Variants in CNTNAP2 observed in about 807,000 individuals in gnomAD.
CNTNAP2 encodes contactin associated protein 2.
A neutral mutation model predicts 155.2 loss-of-function variants in CNTNAP2; 98 were observed. That is an observed-to-expected ratio of 0.63 (90% CI 0.54 to 0.75). The LOEUF (loss-of-function observed/expected upper bound fraction) is 0.75. Among genes scored for constraint, CNTNAP2 ranks in the 30% least tolerant of loss-of-function variants. The pLI, the probability that CNTNAP2 is intolerant of heterozygous loss-of-function variation, is 0.00. For synonymous variants in CNTNAP2, 651 were observed against 631.2 expected, an observed-to-expected ratio of 1.03 and a Z score of -0.47; for missense variants, 1,727 against 1,688.1, an observed-to-expected ratio of 1.02 and a Z score of -0.40.
At chr7:146,335,393 C>T (rs770500839) in intron 1 of CNTNAP2, among the ~76,000 whole-genome samples, 2 of 152,126 alleles carry the variant, frequency 1.3e-5, no homozygotes, top group African/African-American at 4.8e-5. Context: ...AAATGTCCCT[C>T]GAGATTCTTG....
intron 1 of CNTNAP2, among the ~76,000 whole-genome samples, chr7:146,133,892 T>C (rs1272140807): frequency 6.6e-6 from 1 of 152,050 alleles, no homozygotes; most frequent in Non-Finnish European, 1.5e-5. Context: ...GACTTGGCGA[T>C]GCGGGCTCTT....
At chr7:148,191,811 G>C (rs565801761) in intron 18 of CNTNAP2, among the ~76,000 whole-genome samples, 1 of 152,256 alleles carries the variant, frequency 6.6e-6, no homozygotes, top group African/African-American at 2.4e-5. Flanking sequence ...TTTGATGGGA[G>C]ACAAAAACAT....
intron 14 of CNTNAP2, among the ~76,000 whole-genome samples, chr7:147,964,948 C>T (rs1195636197): frequency 6.6e-6 from 1 of 152,214 alleles, no homozygotes; most frequent in Non-Finnish European, 1.5e-5. Flanking sequence ...CCACAAAGCT[C>T]TGAACCTCAC....
chr7:148,401,041 T>C (rs774944442), intron 22 of CNTNAP2, among the ~76,000 whole-genome samples: 3 of 151,976 alleles, frequency 2.0e-5, no homozygotes, highest in South Asian at 2.1e-4. Flanking sequence ...GAAAAAAATA[T>C]CTGTACGTGT....
At chr7:147,992,683 A>C (rs1002591759) in intron 15 of CNTNAP2, among the ~76,000 whole-genome samples, 1 of 152,232 alleles carries the variant, frequency 6.6e-6, no homozygotes, top group Non-Finnish European at 1.5e-5. Flanking sequence ...CCAACACTTA[A>C]TCAAGAATCT....
At chr7:148,178,473 C>T (rs1241525012) in intron 18 of CNTNAP2, among the ~76,000 whole-genome samples, 1 of 152,210 alleles carries the variant, frequency 6.6e-6, no homozygotes, top group Admixed American at 6.5e-5. Context: ...GTGCCACCCT[C>T]CCTGTGTTCC....
At chr7:147,195,890 A>G (rs1802789027) in intron 8 of CNTNAP2, among the ~76,000 whole-genome samples, 1 of 152,180 alleles carries the variant, frequency 6.6e-6, no homozygotes, top group South Asian at 2.1e-4. Context: ...CTCTCCCACC[A>G]CAACATTTAT....
chr7:147,492,833 T>G (rs543533042), intron 11 of CNTNAP2, among the ~76,000 whole-genome samples: 6 of 152,292 alleles, frequency 3.9e-5, no homozygotes, highest in African/African-American at 1.2e-4. Context: ...TGATTCAGAT[T>G]TAATCACTTT....
At chr7:146,414,313 C>T (rs1563075112) in intron 1 of CNTNAP2, among the ~76,000 whole-genome samples, 1 of 152,148 alleles carries the variant, frequency 6.6e-6, no homozygotes, top group Non-Finnish European at 1.5e-5. Flanking sequence ...ATTACAGATA[C>T]ATGTTTTGCT....
At chr7:146,849,192 C>A (rs577373662) in intron 3 of CNTNAP2, among the ~76,000 whole-genome samples, 1 of 152,258 alleles carries the variant, frequency 6.6e-6, no homozygotes, top group Non-Finnish European at 1.5e-5. Flanking sequence ...GGAGTTTATG[C>A]AGTCGCCTAG....
intron 1 of CNTNAP2, among the ~76,000 whole-genome samples, chr7:146,201,413 G>A (rs1179325679): frequency 1.3e-5 from 2 of 152,118 alleles, no homozygotes; most frequent in Non-Finnish European, 2.9e-5. Flanking sequence ...AACATTCAGA[G>A]ATGATTATTG....
intron 1 of CNTNAP2, among the ~76,000 whole-genome samples, chr7:146,299,528 A>C (rs994802107): frequency 2.0e-5 from 3 of 152,132 alleles, no homozygotes; most frequent in Non-Finnish European, 2.9e-5. Flanking sequence ...GACTAAAGGC[A>C]TGGGCCACCA....
intron 14 of CNTNAP2, among the ~76,000 whole-genome samples, chr7:147,960,918 C>A (rs1211946365): frequency 6.6e-6 from 1 of 151,968 alleles, no homozygotes; most frequent in African/African-American, 2.4e-5. Flanking sequence ...AAGTAGAAGC[C>A]TGCATGCAGG....
At chr7:146,354,994 T>G (rs1794976947) in intron 1 of CNTNAP2, among the ~76,000 whole-genome samples, 1 of 152,204 alleles carries the variant, frequency 6.6e-6, no homozygotes, top group Admixed American at 6.5e-5. Context: ...TCAACATGGT[T>G]GTATGTGTCA....
intron 13 of CNTNAP2, among the ~76,000 whole-genome samples, chr7:147,793,700 A>G (rs959342378): frequency 6.6e-6 from 1 of 152,080 alleles, no homozygotes; most frequent in Non-Finnish European, 1.5e-5. Flanking sequence ...CAATTTCTAC[A>G]AAGAAATCAG....
intron 1 of CNTNAP2, among the ~76,000 whole-genome samples, chr7:146,567,124 T>A (rs759736138): frequency 3.9e-5 from 6 of 152,168 alleles, no homozygotes; most frequent in Admixed American, 1.3e-4. Flanking sequence ...GAGAACAGAC[T>A]TCTGCCACCC....
At chr7:146,251,355 C>T (rs1799753906) in intron 1 of CNTNAP2, among the ~76,000 whole-genome samples, 1 of 151,944 alleles carries the variant, frequency 6.6e-6, no homozygotes, top group African/African-American at 2.4e-5. Flanking sequence ...AATAATGTCA[C>T]CTTGTTTTAT....
chr7:148,130,114 C>G (rs1804800223), intron 16 of CNTNAP2, among the ~76,000 whole-genome samples: 1 of 152,242 alleles, frequency 6.6e-6, no homozygotes, highest in African/African-American at 2.4e-5. Flanking sequence ...CAAAAGCCCC[C>G]TTCTGTGCTC....
chr7:146,533,195 A>G (rs1404204719), intron 1 of CNTNAP2, among the ~76,000 whole-genome samples: 1 of 150,192 alleles, frequency 6.7e-6, no homozygotes, highest in African/African-American at 2.4e-5. Flanking sequence ...CAAAAATTTT[A>G]TGAAAAACAA....
Sources: gnomAD v4.1 joint callset for allele counts (sites outside exome capture counted in the v4.1 genomes callset) on GRCh38, gnomAD v4.1.1 for gene constraint, MANE v1.5 for transcripts, NCBI Gene and HGNC (gene_info 2026-07-23, HGNC 2026-07-21) for gene names.